Variants in ARMC9 observed in about 807,000 individuals in gnomAD.
ARMC9 encodes armadillo repeat containing 9, also known as lisH domain-containing protein ARMC9.
A neutral mutation model predicts 107.0 loss-of-function variants in ARMC9; 94 were observed. The observed-to-expected ratio is 0.88, with a 90% confidence interval of 0.74 to 1.04. The LOEUF (loss-of-function observed/expected upper bound fraction) is 1.04, where lower values mean the gene tolerates loss of function less well. Ranked by LOEUF, ARMC9 falls within the 50% of genes least tolerant of loss-of-function variation. The pLI, the probability that ARMC9 is intolerant of heterozygous loss-of-function variation, is 0.00. For synonymous variants in ARMC9, 380 were observed against 396.9 expected (o/e 0.96, Z 0.51); for missense variants, 942 against 1,030.1 (o/e 0.91, Z 1.17).
At chr2:231,345,190 A>G in intron 21 of ARMC9, 100 bp downstream of exon 21, 6 of 1,548,966 alleles carry the variant, frequency 3.9e-6, no homozygotes, top group Non-Finnish European at 5.2e-6. Flanking sequence ...TAAAGCATTC[A>G]TTTTGAAAAG....
intron 1 of ARMC9, among the ~76,000 whole-genome samples, chr2:231,199,576 T>A (rs1004808092): frequency 1.3e-5 from 2 of 152,272 alleles, no homozygotes. Context: ...TATATTCACC[T>A]GTCAGGTTTA....
At chr2:231,334,515 T>C (rs1373514851) in intron 20 of ARMC9, among the ~76,000 whole-genome samples, 4 of 152,188 alleles carry the variant, frequency 2.6e-5, no homozygotes, top group African/African-American at 9.7e-5. Flanking sequence ...AGGGTCCTTA[T>C]TACATCTACA....
intron 23 of ARMC9, among the ~76,000 whole-genome samples, chr2:231,361,238 G>A (rs1422150362): frequency 6.6e-6 from 1 of 152,156 alleles, no homozygotes; most frequent in East Asian, 1.9e-4. Context: ...GAAGTGGGCT[G>A]TAGGGCAGAA....
chr2:231,217,760 G>A lies in ARMC9; in HGVS notation c.504+967G>A, dbSNP rs192906592. Reference sequence around the variant, plus strand: ...GGCTGGAGTATAGTGGCGCGATCTCGGCTCACTGCAACCTCTGCCTCCTGG... The same window carrying A: ...GGCTGGAGTATAGTGGCGCGATCTCAGCTCACTGCAACCTCTGCCTCCTGG... On this transcript the variant is annotated intron_variant, in intron 5 of 24. Transcript: ENST00000611582. Among the ~76,000 whole-genome samples the A allele has an allele frequency of 2.5e-4, 38 of 152,176 alleles. 1 individual carries two copies. In the East Asian group the frequency reaches 6.4e-3, roughly 26 times the overall value.
At chr2:231,206,804 A>T (rs1415563644) in intron 2 of ARMC9, among the ~76,000 whole-genome samples, 1 of 152,158 alleles carries the variant, frequency 6.6e-6, no homozygotes, top group Non-Finnish European at 1.5e-5. Flanking sequence ...CTACGCTAAA[A>T]GCTTTGACAA....
chr2:231,346,995 C>T (rs1445141904), intron 21 of ARMC9, among the ~76,000 whole-genome samples: 1 of 152,076 alleles, frequency 6.6e-6, no homozygotes, highest in Non-Finnish European at 1.5e-5. Context: ...TCATGAGAGG[C>T]AACAATGACA....
rs367950305 is a variant in ARMC9 at position 231,272,953 on chromosome 2, A to G, written c.1211-2A>G. On this transcript the variant is annotated splice_acceptor_variant, in intron 13 of 24. Coordinates refer to ENST00000611582, the MANE Select transcript of ARMC9 (RefSeq NM_001352754.2). LOFTEE classifies it high-confidence loss of function. ...CCTGTTTCATCTCTGGTGTATTATC[A>G]GGTCGCCTCTACCTTGCCCAGAACA... 1 of 1,612,492 alleles carries G rather than the reference A, an allele frequency of 6.2e-7. No homozygotes were observed. Among genetic ancestry groups the G allele is most frequent in the Non-Finnish European group, 8.5e-7 (1 of 1,179,514 alleles).
chr2:231,342,135 A>G (rs976144184), intron 20 of ARMC9, among the ~76,000 whole-genome samples: 2 of 152,194 alleles, frequency 1.3e-5, no homozygotes, highest in Admixed American at 6.5e-5. Flanking sequence ...CACTGCAAGC[A>G]AGGGGAGGGG....
rs1167518827 is a variant in ARMC9, at chr2:231,371,695, A to G, written c.*160A>G. The G allele has an allele frequency of 4.2e-6, 3 of 709,862 alleles. No homozygotes were observed. The highest frequency in any genetic ancestry group is 1.8e-5 in the African/African-American group (1 of 54,098). 44.0% of individuals were successfully genotyped at this position (709,862 alleles called of 1,614,324 possible). A position where few individuals can be genotyped will look rare whatever the true frequency, so the allele number is the denominator to read the frequency against. On this transcript the variant is annotated 3_prime_UTR_variant, in exon 25 of 25. Transcript: ENST00000611582. ...CTCCAGGCAGCACCAGAGCAAGGCCATCGCAGCCCCGCCAGCCGGGTCACT... is the reference window on the plus strand; with the variant it reads ...CTCCAGGCAGCACCAGAGCAAGGCCGTCGCAGCCCCGCCAGCCGGGTCACT...
chr2:231,272,470 C>G lies in ARMC9; in HGVS notation c.1211-485C>G, dbSNP rs1032086355. On this transcript the variant is annotated intron_variant, in intron 13 of 24. Transcript: ENST00000611582. ...TCAGCCTCCCAAAGTGCTAGGGTTA[C>G]AGGCGTGAGCCACCTTGCACAACCA... Among the ~76,000 whole-genome samples, 9 of 152,168 alleles carry G rather than the reference C, an allele frequency of 5.9e-5. No individual in the cohort carries two copies. The East Asian group carries it at 1.7e-3, about 29-fold the overall frequency.
In ARMC9 at chr2:231,371,074, G is replaced by A. The variant is rs1284757782; in HGVS notation, c.2435-439G>A. ...ACCCAAAACCCCAGCCCAGCCAGTC[G>A]CAGCCCAGGTCAGGCGCAGAGGAGG... On this transcript the variant is annotated intron_variant, in intron 24 of 24. Coordinates refer to ENST00000611582, the MANE Select transcript of ARMC9 (RefSeq NM_001352754.2). 13 of 460,566 alleles carry A rather than the reference G, an allele frequency of 2.8e-5. 1 individual carries two copies. Among genetic ancestry groups the A allele is most frequent in the Middle Eastern group, 4.6e-4 (1 of 2,172 alleles). The allele number at this position is 460,566 out of a possible 1,614,324, so 28.5% of individuals were successfully genotyped here.
At chr2:231,220,203 ACT>A (rs1419565243) in intron 5 of ARMC9, among the ~76,000 whole-genome samples, 1 of 148,284 alleles carries the variant, frequency 6.7e-6, no homozygotes, top group Non-Finnish European at 1.5e-5. Context: ...ATTTCAGTTA[ACT>A]CTTTTTTTTT....
chr2:231,318,694 A>G (rs2042839974), intron 19 of ARMC9, among the ~76,000 whole-genome samples: 1 of 152,210 alleles, frequency 6.6e-6, no homozygotes, highest in Non-Finnish European at 1.5e-5. Context: ...AGTACTGCTT[A>G]AGTTGTTGCC....
rs1374811968 is a variant in ARMC9, at chr2:231,255,386, AAATCTT to A, written c.880-1196_880-1191del. Among the ~76,000 whole-genome samples, 1 of 152,198 alleles carries A rather than the reference AAATCTT, an allele frequency of 6.6e-6. No homozygotes were observed. The highest frequency in any genetic ancestry group is 2.4e-5 in the African/African-American group (1 of 41,448). Reference sequence around the variant, plus strand: ...GTGCACATTTTTATACTTGAAGAGAAAATCTTAATAAAGAAAAAAACCAGAATAATA... The same window carrying A: ...GTGCACATTTTTATACTTGAAGAGAAAATAAAGAAAAAAACCAGAATAATA... On this transcript the variant is annotated intron_variant, in intron 9 of 24. Coordinates refer to ENST00000611582, the MANE Select transcript of ARMC9 (RefSeq NM_001352754.2). This position sits in a 1 kb window ranked among gnomAD's most constrained non-coding sequence, Gnocchi z 4.7.
chr2:231,327,200 C>T (rs546728861), intron 19 of ARMC9, among the ~76,000 whole-genome samples: 4 of 152,310 alleles, frequency 2.6e-5, no homozygotes, highest in East Asian at 1.9e-4. Flanking sequence ...GTGTGCCGTT[C>T]GGTCGGCGTT....
At chr2:231,313,975 G>T (rs1277524346) in intron 19 of ARMC9, among the ~76,000 whole-genome samples, 1 of 149,636 alleles carries the variant, frequency 6.7e-6, no homozygotes, top group African/African-American at 2.5e-5. Flanking sequence ...GCCCAGGGTG[G>T]TCTTAAACTT....
chr2:231,315,320 C>T (rs1311986563), intron 19 of ARMC9, among the ~76,000 whole-genome samples: 1 of 150,816 alleles, frequency 6.6e-6, no homozygotes, highest in African/African-American at 2.4e-5. Flanking sequence ...GGGCAGATCA[C>T]GAAGTCAAGA....
chr2:231,337,288 ATATTTTTTTTTTTTT>A (rs1420913155), intron 20 of ARMC9, among the ~76,000 whole-genome samples: 41 of 52,306 alleles, frequency 7.8e-4, no homozygotes, highest in African/African-American at 3.1e-3. Flanking sequence ...ATATATATAT[ATATTTTTTTTTTTTT>A]TTTTTTTTTT....
intron 6 of ARMC9, among the ~76,000 whole-genome samples, chr2:231,223,978 C>T (rs2034404242): frequency 6.6e-6 from 1 of 152,078 alleles, no homozygotes; most frequent in Non-Finnish European, 1.5e-5. Flanking sequence ...AAGCATTTCT[C>T]AGCTTAATTT....
Sources: allele counts gnomAD v4.1 joint callset (sites outside exome capture counted in the v4.1 genomes callset), GRCh38; gene constraint gnomAD v4.1.1; non-coding constraint Gnocchi (gnomAD v3.1); transcripts MANE v1.5; gene names NCBI Gene and HGNC (gene_info 2026-07-23, HGNC 2026-07-21).